The following GRIPAP1 variants were observed in gnomAD, a reference collection of about 807,000 sequenced individuals.
GRIPAP1 encodes GRIP1 associated protein 1, also known as GRIP1-associated protein 1.
Under a neutral mutation model 84.1 loss-of-function variants are expected in GRIPAP1, and 14 were observed. The observed-to-expected ratio is 0.17, with a 90% CI of 0.11 to 0.26. The LOEUF is 0.26. Ranked by LOEUF, GRIPAP1 falls within the 10% of genes least tolerant of loss-of-function variation. The pLI is 1.00. For missense variants in GRIPAP1, 518 were observed against 674.2 expected, an observed-to-expected ratio of 0.77 and a Z score of 2.57; for synonymous variants, 261 against 256.8, an observed-to-expected ratio of 1.02 and a Z score of -0.15.
chrX:48,992,157 C>A (rs1221222413), intron 6 of GRIPAP1, among the ~76,000 whole-genome samples: 2 of 111,165 alleles, frequency 1.8e-5, no homozygotes, highest in Non-Finnish European at 3.8e-5. Context: ...AGGCATTTGC[C>A]ATCAAACCTG....
At chrX:48,988,923 C>G (rs932088279) in intron 11 of GRIPAP1, among the ~76,000 whole-genome samples, 17 of 110,865 alleles carry the variant, frequency 1.5e-4, no homozygotes, top group African/African-American at 5.6e-4. Context: ...TCAGACTCAC[C>G]TTTTCTAGAA....
chrX:48,986,177 G>A (rs782763021), intron 13 of GRIPAP1, among the ~76,000 whole-genome samples: 7 of 104,317 alleles, frequency 6.7e-5, no homozygotes, highest in Non-Finnish European at 1.4e-4. Context: ...GGGAGGCGGA[G>A]GTTGCAGTGA....
rs781920274 is a variant in GRIPAP1, at chrX:48,983,393, C to T, written c.1320G>A (p.Thr440=). The T allele has an allele frequency of 8.3e-7, 1 of 1,211,596 alleles. No individual in the cohort carries two copies. Residue 440 remains threonine, a synonymous_variant, in exon 16 of 26, where the codon ACG becomes ACA. Transcript: ENST00000376423. ...CCTTGTGCTGGGACTTCTCTTGCAG[C>T]GTTTCCATTGCTAGCTCATCCAGCA... ...KAMLDELAME[T]LQEKSQHKEE... is the part of the protein sequence containing the mutation.
chrX:48,975,645 A>C (rs1557060194), intron 24 of GRIPAP1: 3 of 321,428 alleles, frequency 9.3e-6, no homozygotes. Context: ...AGAAAGCAAA[A>C]GCAATGAAGA....
At chrX:48,979,478 CAAA>C (rs2064442674) in intron 21 of GRIPAP1, among the ~76,000 whole-genome samples, 2 of 3,675 alleles carry the variant, frequency 5.4e-4, no homozygotes, top group East Asian at 0.026. Flanking sequence ...CTCCGTCTAA[CAAA>C]AAAAAAAAAA....
chrX:48,986,565 T>C (rs1373250409), intron 13 of GRIPAP1, among the ~76,000 whole-genome samples: 1 of 108,790 alleles, frequency 9.2e-6, no homozygotes, highest in Non-Finnish European at 1.9e-5. Context: ...CTATTTTTTT[T>C]TGTATTTTTA....
chrX:48,988,125 T>A lies in GRIPAP1; in HGVS notation c.944A>T (p.Asp315Val). 1 of 1,194,036 alleles carries A rather than the reference T, an allele frequency of 8.4e-7. No individual in the cohort carries two copies. The highest frequency in any genetic ancestry group is 1.1e-6 in the Non-Finnish European group (1 of 884,368). Residue 315 changes from aspartate (D) to valine (V), a missense_variant, in exon 12 of 26, where the codon GAT (aspartate) becomes GTT (valine). By Grantham distance (152) the Asp-to-Val change is radical. Around this residue, in one of 5 missense-constraint regions of GRIPAP1, gnomAD observed 372 missense variants for 458.1 expected, o/e 0.81. Coordinates refer to ENST00000376423, the MANE Select transcript of GRIPAP1 (RefSeq NM_020137.5). ...AGCCCACGCAGTACAATATACCTGA[T>A]CTTGTAGGGCCCGCAAAGCTGCTGC... ...EHAAALRALQ[D>V]QVSIQSADAQ...
In GRIPAP1 at chrX:48,978,294, T is replaced by G; in HGVS notation, c.2061+11A>C. On this transcript the variant is annotated intron_variant, in intron 22 of 25. Coordinates refer to ENST00000376423, the MANE Select transcript of GRIPAP1 (RefSeq NM_020137.5). ...AGAAGCTGGAGCTGTAGGTTCTTCC[T>G]TTCCCCTTACCCTGGCTGGAACAGC... 8.3e-7 allele frequency: 1 copy of G among 1,208,716 alleles called. No homozygotes were observed. Among genetic ancestry groups the G allele is most frequent in the Non-Finnish European group, 1.1e-6 (1 of 893,574 alleles).
At chrX:48,992,437 A>G (rs2064525394) in intron 6 of GRIPAP1, among the ~76,000 whole-genome samples, 1 of 112,225 alleles carries the variant, frequency 8.9e-6, no homozygotes, top group South Asian at 3.7e-4. Context: ...CACTGTGCCC[A>G]GGCTCTCACA....
intron 6 of GRIPAP1, among the ~76,000 whole-genome samples, chrX:48,993,014 G>A (rs2064528404): frequency 9.1e-6 from 1 of 110,180 alleles, no homozygotes; most frequent in East Asian, 2.9e-4. Flanking sequence ...TAGAGACGGG[G>A]TTTCACCATG....
Position 48,981,319 on chromosome X carries a change from G to A in GRIPAP1, c.1831-5C>T, listed in dbSNP as rs1557062058. 2 of 1,205,819 alleles carry A rather than the reference G, an allele frequency of 1.7e-6. No individual in the cohort carries two copies. Among genetic ancestry groups the A allele is most frequent in the Admixed American group, 2.2e-5 (1 of 45,790 alleles). ...CTGCCGCTTGAGGTCCTTGAGCTGTGGGGGACAGGGGTAACATGAGGACTG... is the reference window on the plus strand; with the variant it reads ...CTGCCGCTTGAGGTCCTTGAGCTGTAGGGGACAGGGGTAACATGAGGACTG... On this transcript the variant is annotated splice_polypyrimidine_tract_variant and splice_region_variant and intron_variant, in intron 20 of 25. Transcript: ENST00000376423.
In GRIPAP1 at chrX:48,978,383, T is replaced by C. The variant is rs1169751554; in HGVS notation, c.1983A>G (p.Thr661=). ...AGGAGGAGATGCTACTGCTGTCCCC[T>C]GTCTGGGTCCGGCTTGGTGAGTTCA... is the stretch of plus-strand genomic sequence containing the variant. The part of the protein sequence containing the change: ...SEMNSPSRTQ[T]GDSSSISSFS... The change falls in exon 22 of 26, where the codon ACA becomes ACG. Residue 661 remains threonine (T), a synonymous_variant. Coordinates refer to ENST00000376423, the MANE Select transcript of GRIPAP1 (RefSeq NM_020137.5). 5 of 1,209,138 alleles carry C rather than the reference T, an allele frequency of 4.1e-6. No homozygotes were observed. Among genetic ancestry groups the C allele is most frequent in the African/African-American group, 1.7e-5 (1 of 57,845 alleles).
chrX:48,979,598 G>A (rs1466384426), intron 21 of GRIPAP1, among the ~76,000 whole-genome samples: 3 of 105,703 alleles, frequency 2.8e-5, no homozygotes, highest in African/African-American at 6.9e-5. Flanking sequence ...CGATTGTAAC[G>A]TTTCCCAAGA....
chrX:48,980,477 G>A (rs1165754359), intron 21 of GRIPAP1, among the ~76,000 whole-genome samples: 1 of 110,729 alleles, frequency 9.0e-6, no homozygotes, highest in Non-Finnish European at 1.9e-5. Flanking sequence ...GAAATGCCAA[G>A]TGAGGTGTGG....
intron 1 of GRIPAP1, chrX:49,000,478 G>A (rs1245115742): frequency 9.3e-6 from 1 of 107,744 alleles, no homozygotes. Context: ...ATCACTTGAG[G>A]TCAGGAGTTC....
chrX:48,974,156 G>A lies in GRIPAP1; in HGVS notation c.*37C>T, dbSNP rs183351125. 7,686 of 938,967 alleles carry A rather than the reference G, an allele frequency of 8.2e-3. 31 individuals carry two copies. Among genetic ancestry groups the A allele is most frequent in the Middle Eastern group, 0.012 (37 of 3,087 alleles). 77.4% of individuals were successfully genotyped at this position (938,967 alleles called of 1,213,427 possible). On this transcript the variant is annotated 3_prime_UTR_variant, in exon 26 of 26. Transcript: ENST00000376423. Reference sequence around the variant, plus strand: ...GCCCAAGGGAATAGCATCCTAGGGGGTAGGAAGGGGAGGAGGTGGGTGCAG... The same window carrying A: ...GCCCAAGGGAATAGCATCCTAGGGGATAGGAAGGGGAGGAGGTGGGTGCAG...
chrX:49,001,050 A>T (rs1161352878), intron 1 of GRIPAP1: 3 of 101,906 alleles, frequency 2.9e-5, no homozygotes, highest in African/African-American at 1.1e-4. Flanking sequence ...CAGTGGGATC[A>T]ATGTTCCTCA....
At position 48,978,450 on chromosome X, in the gene GRIPAP1, G is replaced by A. The variant is rs1436602196; in HGVS notation, c.1931-15C>T. On this transcript the variant is annotated splice_polypyrimidine_tract_variant and intron_variant, in intron 21 of 25. Transcript: ENST00000376423. ...CTCCTCAAGGCCTGGGTGGTGGAGGGAAGAGAAACTTGAGCCCCAATACCC... is the reference window on the plus strand; with the variant it reads ...CTCCTCAAGGCCTGGGTGGTGGAGGAAAGAGAAACTTGAGCCCCAATACCC... The A allele has an allele frequency of 1.7e-6, 2 of 1,178,847 alleles. No homozygotes were observed. The highest frequency in any genetic ancestry group is 1.8e-5 in the African/African-American group (1 of 56,274).
At chrX:48,982,886 C>A in intron 17 of GRIPAP1, 93 bp downstream of exon 17, 1 of 561,271 alleles carries the variant, frequency 1.8e-6, no homozygotes, top group Admixed American at 2.6e-5. Context: ...CAGAAAATCT[C>A]GGGAAGTTCC....
Sources: allele counts gnomAD v4.1 joint callset (sites outside exome capture counted in the v4.1 genomes callset), GRCh38; gene constraint gnomAD v4.1.1; regional missense constraint gnomAD v4.1.1; transcripts MANE v1.5; gene names NCBI Gene and HGNC (gene_info 2026-07-23, HGNC 2026-07-21).